Variants in SRSF3 observed in about 807,000 individuals in gnomAD.
SRSF3 encodes serine and arginine rich splicing factor 3.
For synonymous variants in SRSF3, 87 were observed against 73.6 expected (o/e 1.18, Z -0.93); for missense variants, 58 against 217.1 (o/e 0.27, Z 4.61).
chr6:36,595,165 TA>T (rs746313193), intron 1 of SRSF3, among the ~76,000 whole-genome samples: 8 of 152,326 alleles, frequency 5.3e-5, no homozygotes, highest in Non-Finnish European at 1.0e-4. Flanking sequence ...ACGTGGTGTT[TA>T]TGGAAAGCAC....
chr6:36,596,861 T>C lies in SRSF3; in HGVS notation c.99T>C (p.Tyr33=). The change falls in exon 2 of 6, where the codon TAT becomes TAC. Residue 33 remains tyrosine, a synonymous_variant. Coordinates refer to ENST00000373715, the MANE Select transcript of SRSF3 (RefSeq NM_003017.5). ...KTELERAFGY[Y]GPLRSVWVAR... ...AATTGGAACGGGCTTTTGGCTACTATGGACCACTCCGAAGTGTGTGGGTTG... is the reference window on the plus strand; with the variant it reads ...AATTGGAACGGGCTTTTGGCTACTACGGACCACTCCGAAGTGTGTGGGTTG... The C allele has an allele frequency of 1.2e-6, 2 of 1,614,156 alleles. No individual in the cohort carries two copies. Among genetic ancestry groups the C allele is most frequent in the African/African-American group, 1.3e-5 (1 of 75,034 alleles).
At chr6:36,599,986 A>G (rs1431108020) in intron 3 of SRSF3, 2 of 1,285,640 alleles carry the variant, frequency 1.6e-6, no homozygotes, top group African/African-American at 3.0e-5. Context: ...GTTCCCGAGC[A>G]TGCTGTTTTC....
rs749474215 is a variant in SRSF3 at position 36,602,304 on chromosome 6, G to A, written c.*315G>A. On this transcript the variant is annotated 3_prime_UTR_variant, in exon 6 of 6. Transcript: ENST00000373715. ...CTCTAAACCTGCCCAGCGGAAGTGT[G>A]TTTTTTTTTAAATTTAAATACAGAA... The A allele has an allele frequency of 3.1e-6, 1 of 326,862 alleles. No individual in the cohort carries two copies. The highest frequency in any genetic ancestry group is 5.4e-6 in the Non-Finnish European group (1 of 185,048). 20.2% of individuals were successfully genotyped at this position (326,862 alleles called of 1,614,324 possible).
chr6:36,599,764 T>C, intron 3 of SRSF3: 1 of 1,265,876 alleles, frequency 7.9e-7, no homozygotes, highest in South Asian at 1.2e-5. Context: ...ATGGCTTGTT[T>C]TTCATTTTTT....
chr6:36,595,707 T>A (rs1198662243), intron 1 of SRSF3, among the ~76,000 whole-genome samples: 1 of 152,244 alleles, frequency 6.6e-6, no homozygotes, highest in African/African-American at 2.4e-5. Flanking sequence ...ATACCACATT[T>A]TGCTTATCCG....
At chr6:36,595,011 C>T (rs981221790) in intron 1 of SRSF3, among the ~76,000 whole-genome samples, 2 of 152,164 alleles carry the variant, frequency 1.3e-5, no homozygotes, top group African/African-American at 4.8e-5. Flanking sequence ...AAAATGGAGG[C>T]TTAAGACAGG....
rs1778783353 is a variant in SRSF3, at chr6:36,604,735, TG to T, written c.*2747del. 1 of 153,012 alleles carries T rather than the reference TG, an allele frequency of 6.5e-6. No homozygotes were observed. Among genetic ancestry groups the T allele is most frequent in the Non-Finnish European group, 1.5e-5 (1 of 68,528 alleles). 9.5% of individuals were successfully genotyped at this position (153,012 alleles called of 1,614,324 possible). On this transcript the variant is annotated 3_prime_UTR_variant, in exon 6 of 6. Transcript: ENST00000373715. ...TACAGTGCTGCCTAATTAGAAATTT[TG>T]TTGAAGAGGTATTTCAGAATAGATA...
chr6:36,599,848 C>T, intron 3 of SRSF3: 2 of 1,352,150 alleles, frequency 1.5e-6, no homozygotes, highest in Non-Finnish European at 2.0e-6. Context: ...TTCTCACCAC[C>T]CTCTGAATCT....
chr6:36,597,613 C>CG (rs1778652546), intron 2 of SRSF3, among the ~76,000 whole-genome samples: 1 of 152,062 alleles, frequency 6.6e-6, no homozygotes, highest in Non-Finnish European at 1.5e-5. Flanking sequence ...CCCCACCCCC[C>CG]TTTCCTCATA....
chr6:36,601,288 G>A, intron 4 of SRSF3, 98 bp downstream of exon 4: 1 of 1,186,652 alleles, frequency 8.4e-7, no homozygotes, highest in Non-Finnish European at 1.2e-6. Flanking sequence ...AATAAACCTT[G>A]GCTTTAATAG....
rs779653319 is a variant in SRSF3, at chr6:36,604,126, A to G, written c.*2137A>G. 1.1e-4 allele frequency: 25 copies of G among 223,158 alleles called. No homozygotes were observed. The highest frequency in any genetic ancestry group is 1.6e-4 in the Non-Finnish European group (18 of 111,926). 13.8% of individuals were successfully genotyped at this position (223,158 alleles called of 1,614,324 possible). A position where few individuals can be genotyped will look rare whatever the true frequency, so the allele number is the denominator to read the frequency against. On this transcript the variant is annotated 3_prime_UTR_variant, in exon 6 of 6. Transcript: ENST00000373715. ...GGCTATTAGGAATTTTTAAAGTTGT[A>G]ATTCCTAAAATAACAGGTCACACTA...
chr6:36,597,027 TACA>T, intron 2 of SRSF3, 59 bp downstream of exon 2: 1 of 1,522,804 alleles, frequency 6.6e-7, no homozygotes, highest in African/African-American at 1.4e-5. Flanking sequence ...ATTTAAAATC[TACA>T]GGATATGTGG....
At chr6:36,601,672 T>C in intron 4 of SRSF3, 36 bp from the exon 5 acceptor site, 5 of 1,522,172 alleles carry the variant, frequency 3.3e-6, no homozygotes, top group Non-Finnish European at 4.5e-6. Flanking sequence ...AATTTTATCA[T>C]ACCTCATTGG....
At chr6:36,598,130 A>G (rs1778662521) in intron 2 of SRSF3, among the ~76,000 whole-genome samples, 1 of 152,222 alleles carries the variant, frequency 6.6e-6, no homozygotes, top group Admixed American at 6.5e-5. Context: ...AGCCTGGTAA[A>G]TAACTGAAAT....
intron 2 of SRSF3, among the ~76,000 whole-genome samples, chr6:36,597,978 A>G (rs1163052446): frequency 6.6e-6 from 1 of 151,862 alleles, no homozygotes; most frequent in East Asian, 1.9e-4. Flanking sequence ...TACAGGCATG[A>G]GCCACCTCAC....
intron 1 of SRSF3, 89 bp from the exon 2 acceptor site, chr6:36,596,672 G>A (rs1005626625): frequency 1.7e-6 from 2 of 1,180,070 alleles, no homozygotes; most frequent in African/African-American, 1.5e-5. Context: ...AAACTCTCTT[G>A]TCCTCTCTAA....
At chr6:36,598,737 C>T (rs911120994) in intron 2 of SRSF3, 112 bp from the exon 3 acceptor site, 58 of 1,281,846 alleles carry the variant, frequency 4.5e-5, no homozygotes, top group Admixed American at 1.6e-4. Context: ...TGTTAAATTG[C>T]ACAGACACTT....
In SRSF3 at chr6:36,602,232, A is replaced by G. The variant is rs1358823823; in HGVS notation, c.*243A>G. 9 of 713,176 alleles carry G rather than the reference A, an allele frequency of 1.3e-5. No homozygotes were observed. The highest frequency in any genetic ancestry group is 4.5e-4 in the Middle Eastern group (1 of 2,220). 44.2% of individuals were successfully genotyped at this position (713,176 alleles called of 1,614,324 possible). ...ACTTTACAATGTTCCCTTAAGCAAA[A>G]TTGAATTTGCTTTGAACTTTTAGTT... On this transcript the variant is annotated 3_prime_UTR_variant, in exon 6 of 6. Transcript: ENST00000373715.
In SRSF3 at chr6:36,601,753, G is replaced by C; in HGVS notation, c.426G>C (p.Glu142Asp). ...DRRRERSLSR[E>D]RNHKPSRSFS... ...GAAGAGAGAGATCGCTGTCTCGGGA[G>C]AGAAATCACAAGCCGTCCCGATCCT... Residue 142 changes from glutamate to aspartate, a missense_variant, in exon 5 of 6, where the codon GAG (glutamate) becomes GAC (aspartate). Coordinates refer to ENST00000373715, the MANE Select transcript of SRSF3 (RefSeq NM_003017.5). The C allele has an allele frequency of 6.2e-7, 1 of 1,610,610 alleles. No homozygotes were observed. The highest frequency in any genetic ancestry group is 8.5e-7 in the Non-Finnish European group (1 of 1,177,240).
Sources: allele counts gnomAD v4.1 joint callset (sites outside exome capture counted in the v4.1 genomes callset), GRCh38; gene constraint gnomAD v4.1.1; transcripts MANE v1.5; gene names NCBI Gene and HGNC (gene_info 2026-07-23, HGNC 2026-07-21).